Variants in PDE4D observed in about 807,000 individuals in gnomAD.
The protein encoded by PDE4D is phosphodiesterase 4D, also known as 3',5'-cyclic-AMP phosphodiesterase 4D.
A neutral mutation model predicts 87.4 loss-of-function variants in PDE4D; 24 were observed. That is an observed-to-expected ratio of 0.27 (90% CI 0.20 to 0.39). The LOEUF is 0.39. PDE4D is among the 10% of genes least tolerant of loss of function. PDE4D has a pLI of 1.00. For missense variants in PDE4D, 714 were observed against 1,041.0 expected (o/e 0.69, Z 4.32); for synonymous variants, 384 against 383.2 (o/e 1.00, Z -0.02).
chr5:59,597,002 T>C (rs1183109705), intron 1 of PDE4D, among the ~76,000 whole-genome samples: 4 of 152,152 alleles, frequency 2.6e-5, no homozygotes, highest in Non-Finnish European at 5.9e-5. Flanking sequence ...AAATCGGTGA[T>C]TGTATGGCCC....
intron 2 of PDE4D, among the ~76,000 whole-genome samples, chr5:60,089,657 C>T (rs114045664): frequency 0.013 from 2,013 of 151,040 alleles, 41 homozygotes; most frequent in African/African-American, 0.047. Flanking sequence ...AACAATCAAA[C>T]TCAAAATTAG....
intron 1 of PDE4D, among the ~76,000 whole-genome samples, chr5:59,662,797 G>A (rs1745468869): frequency 6.6e-6 from 1 of 152,170 alleles, no homozygotes; most frequent in African/African-American, 2.4e-5. Flanking sequence ...GTGGGTGAGA[G>A]TCCTAGATTC....
intron 1 of PDE4D, among the ~76,000 whole-genome samples, chr5:59,596,647 T>G (rs992124375): frequency 2.0e-5 from 3 of 152,130 alleles, no homozygotes; most frequent in Admixed American, 6.6e-5. Flanking sequence ...TAAATGAGTC[T>G]CTATACCAAA....
At chr5:59,356,468 T>C (rs545954266) in intron 1 of PDE4D, among the ~76,000 whole-genome samples, 1 of 152,292 alleles carries the variant, frequency 6.6e-6, no homozygotes, top group African/African-American at 2.4e-5. Flanking sequence ...ATTAAGCCAT[T>C]AGACAAGTTA....
At chr5:59,349,685 T>G (rs1330547906) in intron 1 of PDE4D, among the ~76,000 whole-genome samples, 2 of 152,182 alleles carry the variant, frequency 1.3e-5, no homozygotes, top group Non-Finnish European at 2.9e-5. Flanking sequence ...ATTAACACAC[T>G]GATGATCAGA....
intron 1 of PDE4D, among the ~76,000 whole-genome samples, chr5:59,633,273 G>A (rs1831804634): frequency 6.6e-6 from 1 of 152,210 alleles, no homozygotes; most frequent in Non-Finnish European, 1.5e-5. Flanking sequence ...TAGTGTACCT[G>A]AAAGAGATGG....
intron 1 of PDE4D, among the ~76,000 whole-genome samples, chr5:60,348,550 T>C (rs1472288005): frequency 6.6e-6 from 1 of 152,162 alleles, no homozygotes; most frequent in Non-Finnish European, 1.5e-5. Flanking sequence ...CTAAGTGAAC[T>C]ATGACACACT....
At chr5:59,857,148 G>A (rs774245933) in intron 1 of PDE4D, among the ~76,000 whole-genome samples, 1 of 152,152 alleles carries the variant, frequency 6.6e-6, no homozygotes, top group Non-Finnish European at 1.5e-5. Flanking sequence ...TACACCAAGT[G>A]CACCACCTTG....
chr5:60,045,325 T>C (rs913759366), intron 2 of PDE4D, among the ~76,000 whole-genome samples: 5 of 152,162 alleles, frequency 3.3e-5, no homozygotes, highest in African/African-American at 1.2e-4. Context: ...CTGTTCACTC[T>C]GATGGTAGTT....
At chr5:60,521,594 C>A (rs1751040948) in intron 1 of PDE4D, 2 of 151,686 alleles carry the variant, frequency 1.3e-5, no homozygotes, top group African/African-American at 4.8e-5. Flanking sequence ...AGGGGGATAA[C>A]AATATCAGCT....
intron 1 of PDE4D, among the ~76,000 whole-genome samples, chr5:59,648,053 A>G (rs1049290289): frequency 3.4e-4 from 52 of 152,304 alleles, no homozygotes; most frequent in African/African-American, 1.2e-3. Flanking sequence ...GCTCTGCTAC[A>G]TCTACTTAGA....
intron 5 of PDE4D, chr5:59,164,853 G>C (rs1781675658): frequency 6.6e-6 from 1 of 152,122 alleles, no homozygotes; most frequent in Non-Finnish European, 1.5e-5. Flanking sequence ...TAGGGGTTGG[G>C]CTGAGATGAC....
chr5:60,261,056 T>C (rs1004653893), intron 1 of PDE4D, among the ~76,000 whole-genome samples: 1 of 152,164 alleles, frequency 6.6e-6, no homozygotes, highest in East Asian at 1.9e-4. Context: ...GTCTACCCTA[T>C]GGGAAGACAT....
chr5:59,743,530 CACGT>C (rs1246120370), intron 1 of PDE4D, among the ~76,000 whole-genome samples: 1 of 152,066 alleles, frequency 6.6e-6, no homozygotes, highest in Non-Finnish European at 1.5e-5. Context: ...CACACACACA[CACGT>C]AAGTGTTGAC....
chr5:59,684,133 C>T (rs555682212), intron 1 of PDE4D, among the ~76,000 whole-genome samples: 1 of 152,320 alleles, frequency 6.6e-6, no homozygotes, highest in South Asian at 2.1e-4. Flanking sequence ...GCTAGTCACC[C>T]TCCAAGACAA....
At chr5:59,976,313 T>C (rs1340109181) in intron 3 of PDE4D, among the ~76,000 whole-genome samples, 2 of 152,178 alleles carry the variant, frequency 1.3e-5, no homozygotes, top group Non-Finnish European at 2.9e-5. Context: ...CCAAATCTCA[T>C]GTTGAGATTT....
At chr5:59,383,291 C>T (rs759408827) in intron 1 of PDE4D, among the ~76,000 whole-genome samples, 10 of 145,608 alleles carry the variant, frequency 6.9e-5, no homozygotes, top group Non-Finnish European at 1.5e-4. Flanking sequence ...TCACTGCAGC[C>T]TCACTAGCCT....
At chr5:59,146,485 G>T (rs1276166740) in intron 5 of PDE4D, among the ~76,000 whole-genome samples, 2 of 151,986 alleles carry the variant, frequency 1.3e-5, no homozygotes, top group Middle Eastern at 3.5e-3. Context: ...TGATGGAAGT[G>T]CCACATTCTC....
chr5:59,785,523 G>T (rs1765081072), intron 1 of PDE4D, among the ~76,000 whole-genome samples: 1 of 152,106 alleles, frequency 6.6e-6, no homozygotes, highest in African/African-American at 2.4e-5. Flanking sequence ...TTATGTAACA[G>T]CCAAGAATGG....
Sources: gnomAD v4.1 joint callset for allele counts (sites outside exome capture counted in the v4.1 genomes callset) on GRCh38, gnomAD v4.1.1 for gene constraint, MANE v1.5 for transcripts, NCBI Gene and HGNC (gene_info 2026-07-23, HGNC 2026-07-21) for gene names.